CNBP: variants seen among roughly 807,000 people sequenced by gnomAD.
The protein encoded by CNBP is CCHC-type zinc finger nucleic acid binding protein.
Under a neutral mutation model 21.2 loss-of-function variants are expected in CNBP, and 6 were observed. The observed-to-expected ratio is 0.28, with a 90% CI of 0.16 to 0.56. CNBP has a LOEUF of 0.56. CNBP is among the 20% of genes least tolerant of loss of function. The pLI, the probability that CNBP is intolerant of heterozygous loss-of-function variation, is 0.93. For missense variants in CNBP, 112 were observed against 233.1 expected (o/e 0.48, Z 3.38); for synonymous variants, 61 against 74.9 (o/e 0.81, Z 0.96).
chr3:129,168,229 ATTAAGT>A lies in CNBP; in HGVS notation c.*2218_*2223del, dbSNP rs1048047174. 9.9e-5 allele frequency among the ~76,000 whole-genome samples: 15 copies of A among 152,210 alleles called. No homozygotes were observed. The highest frequency in any genetic ancestry group is 4.1e-4 in the South Asian group (2 of 4,838). On this transcript the variant is annotated 3_prime_UTR_variant, in exon 5 of 5. Transcript: ENST00000422453. The stretch of plus-strand genomic sequence containing the variant: ...GCTCTAACTGTACATCCTTAAGTAA[ATTAAGT>A]TTAACTCATCTATTAAAAAGTGAGT...
chr3:129,180,629 C>A (rs562735593), intron 1 of CNBP, among the ~76,000 whole-genome samples: 1 of 152,320 alleles, frequency 6.6e-6, no homozygotes, highest in South Asian at 2.1e-4. Context: ...TCTGACACTG[C>A]CAGAACAGGA....
intron 1 of CNBP, among the ~76,000 whole-genome samples, chr3:129,183,094 G>A (rs1299091925): frequency 6.6e-6 from 1 of 152,074 alleles, no homozygotes; most frequent in African/African-American, 2.4e-5. Flanking sequence ...GGGACTACAT[G>A]CGCCCGCCAC....
Position 129,168,465 on chromosome 3 carries a change from C to T in CNBP, c.*1988G>A, listed in dbSNP as rs1203254880. On this transcript the variant is annotated 3_prime_UTR_variant, in exon 5 of 5. Transcript: ENST00000422453. ...AACAAAAATTAGCTGGGTGTGGTGG[C>T]GGACACCTGTAATCCCAGCTATTTG... Among the ~76,000 whole-genome samples the T allele has an allele frequency of 2.9e-5, 4 of 140,260 alleles. No individual in the cohort carries two copies. The highest frequency in any genetic ancestry group is 2.1e-4 in the East Asian group (1 of 4,724). 92.0% of individuals were successfully genotyped at this position (140,260 alleles called of 152,430 possible).
At chr3:129,179,819 C>T (rs1350822629) in intron 1 of CNBP, among the ~76,000 whole-genome samples, 3 of 151,856 alleles carry the variant, frequency 2.0e-5, no homozygotes, top group African/African-American at 7.3e-5. Flanking sequence ...GGTGACAAAG[C>T]GAGACTCCGT....
At chr3:129,171,057 T>A (rs2107633199) in intron 4 of CNBP, 22 bp downstream of exon 4, 1 of 1,600,774 alleles carries the variant, frequency 6.2e-7, no homozygotes, top group East Asian at 2.2e-5. Flanking sequence ...AGTTTTCTTC[T>A]AACAACATTC....
intron 1 of CNBP, among the ~76,000 whole-genome samples, chr3:129,177,850 A>G (rs1305083111): frequency 1.3e-5 from 2 of 152,168 alleles, no homozygotes; most frequent in African/African-American, 4.8e-5. Context: ...AAGAGAAGAA[A>G]TGACTAAGAT....
rs1419317170 is a variant in CNBP at position 129,170,034 on chromosome 3, T to C, written c.*419A>G. 1.6e-5 allele frequency: 4 copies of C among 246,670 alleles called. No individual in the cohort carries two copies. Among genetic ancestry groups the C allele is most frequent in the Non-Finnish European group, 3.2e-5 (4 of 124,790 alleles). 15.3% of individuals were successfully genotyped at this position (246,670 alleles called of 1,614,324 possible). On this transcript the variant is annotated 3_prime_UTR_variant, in exon 5 of 5. Transcript: ENST00000422453. ...TTACTTGATGTTATTTAATAGCTACTGAGGTCAGACAATCCAAGACCATCA... is the reference window on the plus strand; with the variant it reads ...TTACTTGATGTTATTTAATAGCTACCGAGGTCAGACAATCCAAGACCATCA...
In CNBP at chr3:129,171,172, G is replaced by A. The variant is rs897727631; in HGVS notation, c.323C>T (p.Ala108Val). 1.2e-6 allele frequency: 2 copies of A among 1,614,116 alleles called. No individual in the cohort carries two copies. Among genetic ancestry groups the A allele is most frequent in the African/African-American group, 1.3e-5 (1 of 74,924 alleles). ...CYNCGKPGHL[A>V]RDCDHADEQK... ...CTCATCTGCATGGTCGCAGTCACGAGCCAGATGGCCTGGTTTGCCACAGTT... is the reference window on the plus strand; with the variant it reads ...CTCATCTGCATGGTCGCAGTCACGAACCAGATGGCCTGGTTTGCCACAGTT... Residue 108 changes from alanine (A) to valine (V), a missense_variant, in exon 4 of 5, where the codon GCT becomes GTT. Ala to Val is a moderately conservative substitution (Grantham distance 64). Transcript: ENST00000422453.
At chr3:129,170,889 G>A (rs1181860599) in intron 4 of CNBP, among the ~76,000 whole-genome samples, 190 bp downstream of exon 4, 3 of 152,132 alleles carry the variant, frequency 2.0e-5, no homozygotes, top group African/African-American at 4.8e-5. Context: ...GGTACCATAA[G>A]CCACAGGATA....
In CNBP at chr3:129,168,737, G is replaced by T. The variant is rs1369667037; in HGVS notation, c.*1716C>A. On this transcript the variant is annotated 3_prime_UTR_variant, in exon 5 of 5. Coordinates refer to ENST00000422453, the MANE Select transcript of CNBP (RefSeq NM_003418.5). ...AGCACTTTGGGGGGCGGGGCAGGTG[G>T]ATCACCTGAGGTCAGGAGTTGGAGA... 6.6e-6 allele frequency among the ~76,000 whole-genome samples: 1 copy of T among 151,858 alleles called. No homozygotes were observed. The highest frequency in any genetic ancestry group is 2.4e-5 in the African/African-American group (1 of 41,346).
At chr3:129,175,412 CAG>C (rs1937831837) in intron 1 of CNBP, among the ~76,000 whole-genome samples, 1 of 146,624 alleles carries the variant, frequency 6.8e-6, no homozygotes, top group Non-Finnish European at 1.5e-5. Context: ...TAGAATATAA[CAG>C]AAGTTTTAGA....
intron 1 of CNBP, among the ~76,000 whole-genome samples, chr3:129,174,229 A>C (rs1474014062): frequency 6.6e-6 from 1 of 152,016 alleles, no homozygotes; most frequent in African/African-American, 2.4e-5. Flanking sequence ...GATATTAAAA[A>C]CAGATTTTTA....
chr3:129,170,376 C>A lies in CNBP; in HGVS notation c.*77G>T. On this transcript the variant is annotated 3_prime_UTR_variant, in exon 5 of 5. Transcript: ENST00000422453. The stretch of plus-strand genomic sequence containing the variant: ...CTGGGAGTTGCCTCTATCTGCCAAC[C>A]TTTGGCCAGTGAAGAGGATTCAGAG... 1 of 1,294,284 alleles carries A rather than the reference C, an allele frequency of 7.7e-7. No individual in the cohort carries two copies. Among genetic ancestry groups the A allele is most frequent in the South Asian group, 1.2e-5 (1 of 84,236 alleles). 80.2% of individuals were successfully genotyped at this position (1,294,284 alleles called of 1,614,324 possible). A position where few individuals can be genotyped will look rare whatever the true frequency, so the allele number is the denominator to read the frequency against.
At chr3:129,174,009 T>C (rs1937714435) in intron 1 of CNBP, among the ~76,000 whole-genome samples, 1 of 152,080 alleles carries the variant, frequency 6.6e-6, no homozygotes, top group East Asian at 1.9e-4. Context: ...TTCAAAAAGT[T>C]CCCATTGTCA....
Position 129,174,363 on chromosome 3 carries a change from A to AC in CNBP, c.-14-2593_-14-2592insG, listed in dbSNP as rs1553787752. 5.4e-5 allele frequency among the ~76,000 whole-genome samples: 8 copies of AC among 148,148 alleles called. No individual in the cohort carries two copies. The East Asian group carries it at 1.4e-3, about 25-fold the overall frequency. On this transcript the variant is annotated intron_variant, in intron 1 of 4. Transcript: ENST00000422453. ...AGAGTCAGAATTAAAAAAAAAAAAAAAAAAAAAAAAACGAATGGCGGGCAG... is the reference window on the plus strand; with the variant it reads ...AGAGTCAGAATTAAAAAAAAAAAAAACAAAAAAAAAAACGAATGGCGGGCAG...
intron 1 of CNBP, among the ~76,000 whole-genome samples, chr3:129,183,000 G>A (rs899049825): frequency 3.9e-5 from 6 of 152,110 alleles, no homozygotes; most frequent in South Asian, 4.1e-4. Context: ...TGCCCATGCT[G>A]GAGTGTAGTG....
At chr3:129,173,512 G>A (rs937304650) in intron 1 of CNBP, among the ~76,000 whole-genome samples, 1 of 152,082 alleles carries the variant, frequency 6.6e-6, no homozygotes, top group Admixed American at 6.5e-5. Flanking sequence ...TTTCTGTAAT[G>A]TAATTTTACA....
chr3:129,180,439 T>C (rs557912536), intron 1 of CNBP, among the ~76,000 whole-genome samples: 2 of 152,380 alleles, frequency 1.3e-5, no homozygotes, highest in Admixed American at 6.5e-5. Flanking sequence ...TTTGTATTTA[T>C]GGAGCCATTC....
intron 1 of CNBP, among the ~76,000 whole-genome samples, chr3:129,173,568 G>A (rs190414467): frequency 6.6e-6 from 1 of 151,800 alleles, no homozygotes; most frequent in Non-Finnish European, 1.5e-5. Context: ...TCCTTTAATT[G>A]GTTATCATTT....
Sources: gnomAD v4.1 joint callset for allele counts (sites outside exome capture counted in the v4.1 genomes callset) on GRCh38, gnomAD v4.1.1 for gene constraint, MANE v1.5 for transcripts, NCBI Gene and HGNC (gene_info 2026-07-23, HGNC 2026-07-21) for gene names.